The following TAMM41 variants were observed in gnomAD, a reference collection of about 807,000 sequenced individuals.
TAMM41 encodes phosphatidate cytidylyltransferase, mitochondrial.
A neutral mutation model predicts 44.1 loss-of-function variants in TAMM41; 36 were observed. The ratio of observed to expected loss-of-function variants is 0.82; its 90% CI spans 0.63 to 1.08. The LOEUF (loss-of-function observed/expected upper bound fraction) is 1.08, where lower values mean the gene tolerates loss of function less well. Ranked by LOEUF, TAMM41 falls within the 50% of genes least tolerant of loss-of-function variation. TAMM41 has a pLI of 0.00. For missense variants in TAMM41, 417 were observed against 404.3 expected (o/e 1.03, Z -0.27); for synonymous variants, 164 against 153.1 (o/e 1.07, Z -0.53).
chr3:11,728,707 C>T, the TAMM41 span, among the ~76,000 whole-genome samples: 2 of 152,034 alleles, frequency 1.3e-5, no homozygotes, highest in African/African-American at 4.8e-5. Context: ...GGAGATGGAC[C>T]CTTTTAAACC....
intron 7 of TAMM41, among the ~76,000 whole-genome samples, chr3:11,801,184 T>A (rs555006172): frequency 6.6e-6 from 1 of 151,858 alleles, no homozygotes. Flanking sequence ...TAACAAATTT[T>A]AAAAAATCAA....
chr3:11,807,874 G>A lies in TAMM41; in HGVS notation c.896C>T (p.Pro299Leu), dbSNP rs969996683. The A allele has an allele frequency of 7.8e-6, 12 of 1,530,476 alleles. No individual in the cohort carries two copies. Among genetic ancestry groups the A allele is most frequent in the African/African-American group, 6.9e-5 (5 of 72,750 alleles). 94.8% of individuals were successfully genotyped at this position (1,530,476 alleles called of 1,614,324 possible). Residue 299 changes from proline (P) to leucine (L), a missense_variant, in exon 7 of 8, where the codon CCG becomes CTG. Pro to Leu is a moderately conservative substitution (Grantham distance 98). Coordinates refer to ENST00000455809, the MANE Select transcript of TAMM41 (RefSeq NM_001284401.2). The part of the protein sequence containing the change: ...VRLGLSAIVR[P>L]SSIRQSTKGI... ...TTTCGTGCTCTGTCTTATACTAGAC[G>A]GTCTCACGATTGCTGAAAGCCCTGC...
the TAMM41 span, among the ~76,000 whole-genome samples, chr3:11,766,702 G>A: frequency 2.0e-5 from 3 of 151,492 alleles, no homozygotes; most frequent in Non-Finnish European, 4.4e-5. Context: ...TTGTAGCTGG[G>A]ACCAGGTGTG....
At chr3:11,765,703 A>AT in the TAMM41 span, among the ~76,000 whole-genome samples, 151 of 142,262 alleles carry the variant, frequency 1.1e-3, no homozygotes, top group Non-Finnish European at 1.5e-3. Context: ...TGGAGTCAAA[A>AT]TTTTTTTTTT....
intron 2 of TAMM41, among the ~76,000 whole-genome samples, chr3:11,842,166 A>G (rs2079475532): frequency 6.6e-6 from 1 of 152,154 alleles, no homozygotes; most frequent in Admixed American, 6.5e-5. Flanking sequence ...AGACGGGTGG[A>G]TCACCTGAGG....
chr3:11,749,339 G>C, the TAMM41 span, among the ~76,000 whole-genome samples: 2 of 152,186 alleles, frequency 1.3e-5, no homozygotes, highest in Non-Finnish European at 2.9e-5. Flanking sequence ...TGTCTCTAGA[G>C]TCCATAATCA....
At chr3:11,733,833 C>T in the TAMM41 span, among the ~76,000 whole-genome samples, 2 of 151,982 alleles carry the variant, frequency 1.3e-5, no homozygotes, top group Non-Finnish European at 2.9e-5. Flanking sequence ...GTTTCCAAGT[C>T]CAAACAGGTA....
At chr3:11,830,542 G>C (rs1202293699) in intron 3 of TAMM41, among the ~76,000 whole-genome samples, 1 of 152,128 alleles carries the variant, frequency 6.6e-6, no homozygotes, top group Non-Finnish European at 1.5e-5. Flanking sequence ...TCAATACAGA[G>C]TAGAAGCTTC....
chr3:11,833,028 G>T (rs933802964), intron 3 of TAMM41: 2 of 1,084,498 alleles, frequency 1.8e-6, no homozygotes, highest in Non-Finnish European at 2.3e-6. Flanking sequence ...CAGTTCGGAA[G>T]ATTCTGCTAC....
the TAMM41 span, among the ~76,000 whole-genome samples, chr3:11,772,109 T>C: frequency 6.6e-6 from 1 of 151,904 alleles, no homozygotes; most frequent in Non-Finnish European, 1.5e-5. Flanking sequence ...CGCTCTCTGT[T>C]GCCTAGGCTG....
chr3:11,820,182 A>C (rs1196990187), intron 4 of TAMM41, among the ~76,000 whole-genome samples: 1 of 152,220 alleles, frequency 6.6e-6, no homozygotes, highest in Non-Finnish European at 1.5e-5. Flanking sequence ...TACACGTATA[A>C]AAATGGATTC....
At chr3:11,796,178 T>C (rs985130966) in intron 7 of TAMM41, among the ~76,000 whole-genome samples, 1 of 152,194 alleles carries the variant, frequency 6.6e-6, no homozygotes, top group African/African-American at 2.4e-5. Context: ...CAACAGTGTT[T>C]ACTAGGAAGG....
chr3:11,779,131 C>G, the TAMM41 span, among the ~76,000 whole-genome samples: 2 of 152,138 alleles, frequency 1.3e-5, no homozygotes, highest in Admixed American at 6.6e-5. Context: ...TCAAAAGAGC[C>G]TGGCACCCGC....
At chr3:11,731,362 G>T in the TAMM41 span, among the ~76,000 whole-genome samples, 1 of 152,040 alleles carries the variant, frequency 6.6e-6, no homozygotes, top group Non-Finnish European at 1.5e-5. Flanking sequence ...GGGCATAGTG[G>T]CATGTCCCTG....
At chr3:11,838,642 G>A (rs927364796) in intron 3 of TAMM41, among the ~76,000 whole-genome samples, 4 of 152,280 alleles carry the variant, frequency 2.6e-5, no homozygotes, top group East Asian at 1.9e-4. Flanking sequence ...CGACTTCTCC[G>A]GGCATGTCAC....
the TAMM41 span, among the ~76,000 whole-genome samples, chr3:11,770,680 T>G: frequency 6.6e-6 from 1 of 152,244 alleles, no homozygotes; most frequent in Non-Finnish European, 1.5e-5. Flanking sequence ...TGAGACCGGC[T>G]GAGCCACATA....
At chr3:11,807,098 G>C (rs1003517456) in intron 7 of TAMM41, 10 of 888,120 alleles carry the variant, frequency 1.1e-5, no homozygotes, top group Non-Finnish European at 1.3e-6. Flanking sequence ...TCACCAAAAT[G>C]AGAGTGTGCA....
At chr3:11,845,466 C>G (rs1421030341) in intron 1 of TAMM41, among the ~76,000 whole-genome samples, 1 of 152,178 alleles carries the variant, frequency 6.6e-6, no homozygotes, top group African/African-American at 2.4e-5. Flanking sequence ...AACGCCTGCT[C>G]TGTAGAGTGT....
At chr3:11,783,065 T>A in the TAMM41 span, among the ~76,000 whole-genome samples, 53 of 152,220 alleles carry the variant, frequency 3.5e-4, no homozygotes, top group Non-Finnish European at 5.0e-4. Context: ...CCGAGGGTGC[T>A]GGACAAGAGC....
Sources: gnomAD v4.1 joint callset for allele counts (sites outside exome capture counted in the v4.1 genomes callset) on GRCh38, gnomAD v4.1.1 for gene constraint, MANE v1.5 for transcripts, NCBI Gene and HGNC (gene_info 2026-07-23, HGNC 2026-07-21) for gene names.